GADL1: variants seen among roughly 807,000 people sequenced by gnomAD.
GADL1 encodes GAD like acidic amino acid decarboxylase 1, also known as acidic amino acid decarboxylase GADL1.
In GADL1, 71 loss-of-function variants were observed where a neutral mutation model predicts 69.5. The observed-to-expected ratio is 1.02, with a 90% CI of 0.84 to 1.25. The LOEUF is 1.25. GADL1 is among the 50% of genes most tolerant of loss of function. The probability of loss-of-function intolerance (pLI) is 0.00; values close to 1 mark genes in which losing one functional copy is unlikely to be tolerated. For synonymous variants in GADL1, 254 were observed against 214.4 expected (o/e 1.18, Z -1.62); for missense variants, 737 against 631.8 (o/e 1.17, Z -1.79).
At chr3:30,832,410 G>A (rs1697807593) in intron 11 of GADL1, among the ~76,000 whole-genome samples, 1 of 150,842 alleles carries the variant, frequency 6.6e-6, no homozygotes, top group Admixed American at 6.6e-5. Flanking sequence ...GTACAGAAAT[G>A]TAATTCAGTT....
chr3:30,730,415 G>T (rs1052392340), intron 14 of GADL1, among the ~76,000 whole-genome samples: 4 of 152,160 alleles, frequency 2.6e-5, no homozygotes, highest in African/African-American at 9.7e-5. Flanking sequence ...AACTGTAAAA[G>T]CTTTTGAGAA....
At chr3:30,748,225 C>G (rs530005984) in intron 14 of GADL1, among the ~76,000 whole-genome samples, 1 of 152,092 alleles carries the variant, frequency 6.6e-6, no homozygotes, top group Non-Finnish European at 1.5e-5. Context: ...AGCGCATGGA[C>G]GTAGAAAATC....
At chr3:30,732,403 A>G (rs1044321965) in intron 14 of GADL1, among the ~76,000 whole-genome samples, 1 of 152,142 alleles carries the variant, frequency 6.6e-6, no homozygotes, top group Non-Finnish European at 1.5e-5. Context: ...TCTTAAGTGG[A>G]GGAAGATTCT....
At chr3:30,770,513 CTG>C (rs1696392399) in intron 14 of GADL1, among the ~76,000 whole-genome samples, 3 of 152,204 alleles carry the variant, frequency 2.0e-5, no homozygotes, top group African/African-American at 7.2e-5. Flanking sequence ...GCAGATTTAG[CTG>C]TGTTCCTTGG....
chr3:30,800,812 C>T (rs1697143190), intron 12 of GADL1, 77 bp downstream of exon 12: 1 of 38,188 alleles, frequency 2.6e-5, no homozygotes, highest in Non-Finnish European at 5.9e-5. Context: ...GATAGACACA[C>T]ACACACACAC....
chr3:30,736,884 C>T (rs892336242), intron 14 of GADL1, among the ~76,000 whole-genome samples: 28 of 152,064 alleles, frequency 1.8e-4, no homozygotes, highest in African/African-American at 6.8e-4. Flanking sequence ...AAATTTCTAT[C>T]TGTTGCATAA....
rs549751886 is a variant in GADL1, at chr3:30,828,276, G to A, written c.1050+5577C>T. Among the ~76,000 whole-genome samples the A allele has an allele frequency of 7.2e-5, 11 of 151,888 alleles. 1 individual carries two copies. In the South Asian group the frequency reaches 8.3e-4, roughly 11 times the overall value. On this transcript the variant is annotated intron_variant, in intron 11 of 14. Transcript: ENST00000282538. ...AATATCAATCATTCAGAACAGAAAC[G>A]AAAATGGGGCTAAGTAACCTGCTTC...
At chr3:30,859,066 G>A (rs1698275635) in intron 2 of GADL1, among the ~76,000 whole-genome samples, 1 of 152,014 alleles carries the variant, frequency 6.6e-6, no homozygotes, top group Non-Finnish European at 1.5e-5. Context: ...TTCTTGGCAA[G>A]AGCAGCTTGA....
At chr3:30,850,971 T>C in intron 4 of GADL1, 30 bp from the exon 5 acceptor site, 3 of 1,273,604 alleles carry the variant, frequency 2.4e-6, no homozygotes, top group East Asian at 2.5e-5. Flanking sequence ...ACTTCACTTC[T>C]ATGACTAGAG....
chr3:30,798,312 T>G (rs1271207220), intron 12 of GADL1: 1 of 152,646 alleles, frequency 6.6e-6, no homozygotes. Flanking sequence ...ATTGAACTTA[T>G]AGTTCCACAG....
At chr3:30,796,726 T>C (rs906354436) in intron 12 of GADL1, among the ~76,000 whole-genome samples, 2 of 152,314 alleles carry the variant, frequency 1.3e-5, no homozygotes, top group African/African-American at 4.8e-5. Context: ...TTGAAGCACC[T>C]AGACCAAGCC....
intron 11 of GADL1, among the ~76,000 whole-genome samples, chr3:30,819,079 T>C (rs541657290): frequency 7.9e-5 from 12 of 152,074 alleles, no homozygotes; most frequent in Admixed American, 2.0e-4. Context: ...CTTGAACATA[T>C]TGACGTGGGA....
chr3:30,745,297 G>A (rs545745208), intron 14 of GADL1, among the ~76,000 whole-genome samples: 2 of 152,102 alleles, frequency 1.3e-5, no homozygotes, highest in African/African-American at 4.8e-5. Flanking sequence ...GACATTTGCC[G>A]AGCAATTCAA....
At position 30,854,717 on chromosome 3, in the gene GADL1, T is replaced by G. The variant is rs1698201009; in HGVS notation, c.410A>C (p.Glu137Ala). Residue 137 changes from glutamate to alanine, a missense_variant, in exon 4 of 15, where the codon GAA becomes GCA. Physicochemically the swap from Glu to Ala is moderately radical, Grantham distance 107 (BLOSUM62 -1). Coordinates refer to ENST00000282538, the MANE Select transcript of GADL1 (RefSeq NM_207359.3). ...YYSLVARFMT[E>A]ALNPSVYTYE... is the part of the protein sequence containing the mutation. ...CACTTACACACTTGGATTCAATGCT[T>G]CGGTCATAAATCGGGCCACCAAGGA... is the stretch of plus-strand genomic sequence containing the variant. 1 of 1,548,344 alleles carries G rather than the reference T, an allele frequency of 6.5e-7. No homozygotes were observed. The highest frequency in any genetic ancestry group is 1.2e-5 in the South Asian group (1 of 83,864).
At chr3:30,748,372 C>A (rs770671534) in intron 14 of GADL1, among the ~76,000 whole-genome samples, 1 of 152,184 alleles carries the variant, frequency 6.6e-6, no homozygotes, top group Non-Finnish European at 1.5e-5. Flanking sequence ...CCAGCACTGA[C>A]CAGATTCAGC....
At chr3:30,745,950 C>G (rs1695696223) in intron 14 of GADL1, among the ~76,000 whole-genome samples, 1 of 151,008 alleles carries the variant, frequency 6.6e-6, no homozygotes, top group African/African-American at 2.4e-5. Flanking sequence ...TCCCCCTCCC[C>G]TTTCCCCCAC....
At chr3:30,862,402 A>G (rs1320417434) in intron 1 of GADL1, among the ~76,000 whole-genome samples, 2 of 151,988 alleles carry the variant, frequency 1.3e-5, no homozygotes, top group Admixed American at 6.6e-5. Flanking sequence ...AATATAAATA[A>G]TACAATATCA....
intron 9 of GADL1, among the ~76,000 whole-genome samples, chr3:30,834,989 T>C (rs1229237535): frequency 1.3e-5 from 2 of 152,116 alleles, no homozygotes; most frequent in African/African-American, 2.4e-5. Flanking sequence ...TTTTAATTTG[T>C]AGGACATTAA....
intron 14 of GADL1, among the ~76,000 whole-genome samples, chr3:30,749,524 A>T (rs1290039920): frequency 1.3e-5 from 2 of 152,330 alleles, no homozygotes; most frequent in South Asian, 2.1e-4. Flanking sequence ...GAATCTTAGG[A>T]CATTTCTTCA....
Sources: allele counts gnomAD v4.1 joint callset (sites outside exome capture counted in the v4.1 genomes callset), GRCh38; gene constraint gnomAD v4.1.1; transcripts MANE v1.5; gene names NCBI Gene and HGNC (gene_info 2026-07-23, HGNC 2026-07-21).